Variants in DNAJC6 observed in about 807,000 individuals in gnomAD.
The protein encoded by DNAJC6 is auxilin.
In DNAJC6, 34 loss-of-function variants were observed where a neutral mutation model predicts 110.0. The ratio of observed to expected loss-of-function variants is 0.31; its 90% CI spans 0.24 to 0.41. The LOEUF (loss-of-function observed/expected upper bound fraction) is 0.41. DNAJC6 is among the 10% of genes least tolerant of loss of function. The pLI, the probability that DNAJC6 is intolerant of heterozygous loss-of-function variation, is 1.00. For synonymous variants in DNAJC6, 406 were observed against 437.2 expected (o/e 0.93, Z 0.89); for missense variants, 1,031 against 1,207.8 (o/e 0.85, Z 2.17).
intron 1 of DNAJC6, among the ~76,000 whole-genome samples, chr1:65,345,397 G>A (rs577365179): frequency 4.1e-4 from 62 of 152,098 alleles, no homozygotes; most frequent in African/African-American, 1.3e-3. Context: ...TTTAATCATC[G>A]TATACATGGG....
intron 1 of DNAJC6, among the ~76,000 whole-genome samples, chr1:65,327,189 T>C (rs183880300): frequency 9.5e-4 from 144 of 152,218 alleles, no homozygotes; most frequent in Middle Eastern, 3.4e-3. Flanking sequence ...AACTAGAAGC[T>C]TGGAAGAACT....
chr1:65,364,610 G>GTTTTTTTTTTTTTTTTTT lies in DNAJC6; in HGVS notation c.194-22_194-21insTTTTTTTTTTTTTTTTTT. The GTTTTTTTTTTTTTTTTTT allele has an allele frequency of 2.1e-6, 3 of 1,441,978 alleles. 1 individual carries two copies. The highest frequency in any genetic ancestry group is 5.2e-5 in the East Asian group (2 of 38,626). The allele number at this position is 1,441,978 out of a possible 1,614,324, so 89.3% of individuals were successfully genotyped here. A position where few individuals can be genotyped will look rare whatever the true frequency, so the allele number is the denominator to read the frequency against. ...TTCTCTGCCATCACCATTTTTGTTT[G>GTTTTTTTTTTTTTTTTTT]TTTGTTTTTTTTTTTTTTTGGCAGG... On this transcript the variant is annotated intron_variant, in intron 1 of 18. Coordinates refer to ENST00000371069, the MANE Select transcript of DNAJC6 (RefSeq NM_001256864.2).
intron 1 of DNAJC6, among the ~76,000 whole-genome samples, chr1:65,320,384 C>G (rs561075315): frequency 3.3e-5 from 5 of 152,302 alleles, no homozygotes; most frequent in African/African-American, 1.2e-4. Context: ...TTCAACCCTT[C>G]CATGTCTAAA....
intron 1 of DNAJC6, among the ~76,000 whole-genome samples, chr1:65,349,110 A>G (rs1195761977): frequency 6.9e-6 from 1 of 145,610 alleles, no homozygotes; most frequent in Non-Finnish European, 1.5e-5. Context: ...ATAAATAAAT[A>G]TGTAAATATA....
intron 1 of DNAJC6, among the ~76,000 whole-genome samples, chr1:65,359,114 C>T (rs181111001): frequency 5.1e-4 from 78 of 152,272 alleles, no homozygotes; most frequent in Non-Finnish European, 8.1e-4. Context: ...TAAGACTAGC[C>T]CTAGCATTTG....
At chr1:65,309,297 C>G (rs890048764), upstream of DNAJC6, among the ~76,000 whole-genome samples, 5 of 137,998 alleles carry the variant, frequency 3.6e-5, no homozygotes, top group Admixed American at 7.7e-5. Flanking sequence ...TCCTCACGAA[C>G]CTCCCCTCCC....
At chr1:65,317,174 G>A (rs1443116199) in intron 1 of DNAJC6, among the ~76,000 whole-genome samples, 1 of 152,092 alleles carries the variant, frequency 6.6e-6, no homozygotes, top group Non-Finnish European at 1.5e-5. Context: ...AACTCCTTTT[G>A]GAAAAAAGCT....
Position 65,361,228 on chromosome 1 carries a change from C to G in DNAJC6, c.194-3407C>G, listed in dbSNP as rs1570325017. Among the ~76,000 whole-genome samples, 3 of 152,348 alleles carry G rather than the reference C, an allele frequency of 2.0e-5. No homozygotes were observed. The East Asian group carries it at 5.8e-4, about 29-fold the overall frequency. ...CTGTACTATCATAAAGGTCTGAGCA[C>G]AGTTCCTGTTGCATTGGAGAGCTCA... On this transcript the variant is annotated intron_variant, in intron 1 of 18. Coordinates refer to ENST00000371069, the MANE Select transcript of DNAJC6 (RefSeq NM_001256864.2).
intron 1 of DNAJC6, among the ~76,000 whole-genome samples, chr1:65,349,996 C>T (rs550169137): frequency 6.6e-5 from 10 of 152,270 alleles, no homozygotes; most frequent in Non-Finnish European, 1.0e-4. Flanking sequence ...ACAATGTCCA[C>T]GACAGGCCCC....
chr1:65,281,883 C>T (rs987720808), intron 1 of DNAJC6, among the ~76,000 whole-genome samples: 6 of 152,088 alleles, frequency 3.9e-5, no homozygotes, highest in Non-Finnish European at 7.3e-5. Context: ...TCTGGGACCA[C>T]GGGCGTTAGC....
intron 13 of DNAJC6, among the ~76,000 whole-genome samples, 163 bp from the exon 14 acceptor site, chr1:65,398,650 A>G (rs899694217): frequency 6.6e-6 from 1 of 152,202 alleles, no homozygotes; most frequent in African/African-American, 2.4e-5. Flanking sequence ...AACATATTGA[A>G]TGTTGCAGAG....
intron 4 of DNAJC6, among the ~76,000 whole-genome samples, chr1:65,368,175 G>C (rs1645667680): frequency 6.6e-6 from 1 of 152,128 alleles, no homozygotes; most frequent in African/African-American, 2.4e-5. Context: ...TATAATACCT[G>C]CCAAGGGAGA....
chr1:65,403,656 C>A (rs968304461), intron 15 of DNAJC6, among the ~76,000 whole-genome samples: 4 of 152,196 alleles, frequency 2.6e-5, no homozygotes, highest in Admixed American at 1.3e-4. Flanking sequence ...TTCTAATGCA[C>A]AATCAAGGTT....
intron 17 of DNAJC6, 41 bp downstream of exon 17, chr1:65,408,824 CAAAGTCATGTGAT>C: frequency 6.2e-7 from 1 of 1,600,088 alleles, no homozygotes; most frequent in Non-Finnish European, 8.5e-7. Flanking sequence ...TCCTATATGA[CAAAGTCATGTGAT>C]AAAGTCATGT....
intron 1 of DNAJC6, among the ~76,000 whole-genome samples, chr1:65,272,859 A>G (rs548174713): frequency 3.9e-5 from 6 of 152,240 alleles, no homozygotes; most frequent in Middle Eastern, 3.4e-3. Context: ...TTAATAGTGT[A>G]TGTTATTCAG....
intron 1 of DNAJC6, among the ~76,000 whole-genome samples, chr1:65,351,951 A>T (rs1357084934): frequency 6.6e-6 from 1 of 152,028 alleles, no homozygotes; most frequent in Non-Finnish European, 1.5e-5. Flanking sequence ...TTTTTAGTAG[A>T]GACGGGGTTT....
At chr1:65,281,341 GT>G in intron 1 of DNAJC6, among the ~76,000 whole-genome samples, 1 of 152,224 alleles carries the variant, frequency 6.6e-6, no homozygotes, top group South Asian at 2.1e-4. Flanking sequence ...GTGGTTTTTA[GT>G]ATATTCATAA....
chr1:65,392,755 A>G lies in DNAJC6; in HGVS notation c.1793A>G (p.Gln598Arg). The change falls in exon 12 of 19, where the codon CAG (glutamine) becomes CGG (arginine). Residue 598 changes from glutamine (Q) to arginine (R), a missense_variant. Gln to Arg is a conservative substitution (Grantham distance 43). Transcript: ENST00000371069. ...GGAAGPTQAG[Q>R]SGVEDVFHPS... ...GCAGCTGGTCCCACCCAGGCTGGACAGTCAGGAGTGGAAGATGTGTTTCAT... is the reference window on the plus strand; with the variant it reads ...GCAGCTGGTCCCACCCAGGCTGGACGGTCAGGAGTGGAAGATGTGTTTCAT... The G allele has an allele frequency of 6.2e-7, 1 of 1,612,768 alleles. No individual in the cohort carries two copies. Among genetic ancestry groups the G allele is most frequent in the African/African-American group, 1.3e-5 (1 of 75,008 alleles).
intron 14 of DNAJC6, among the ~76,000 whole-genome samples, chr1:65,399,688 C>A (rs577244028): frequency 6.6e-6 from 1 of 152,330 alleles, no homozygotes; most frequent in East Asian, 1.9e-4. Context: ...TCTACACTCA[C>A]TAAATAACTC....
Sources: allele counts gnomAD v4.1 joint callset (sites outside exome capture counted in the v4.1 genomes callset), GRCh38; gene constraint gnomAD v4.1.1; transcripts MANE v1.5; gene names NCBI Gene and HGNC (gene_info 2026-07-23, HGNC 2026-07-21).